The following NEURL1B variants were observed in gnomAD, a reference collection of about 807,000 sequenced individuals.
NEURL1B encodes the protein neuralized E3 ubiquitin protein ligase 1B, also known as E3 ubiquitin-protein ligase NEURL1B.
NEURL1B carries 13 observed loss-of-function variants against 37.4 expected under a neutral mutation model. The ratio of observed to expected loss-of-function variants is 0.35; its 90% CI spans 0.23 to 0.55. NEURL1B has a LOEUF of 0.55. NEURL1B is among the 20% of genes least tolerant of loss of function. The pLI is 0.89. For synonymous variants in NEURL1B, 432 were observed against 426.6 expected, an observed-to-expected ratio of 1.01 and a Z score of -0.16; for missense variants, 790 against 879.2, an observed-to-expected ratio of 0.90 and a Z score of 1.28.
At chr5:172,666,361 C>G (rs1009467395) in intron 1 of NEURL1B, among the ~76,000 whole-genome samples, 9 of 152,220 alleles carry the variant, frequency 5.9e-5, no homozygotes, top group Middle Eastern at 3.2e-3. Flanking sequence ...CCTTACCTCA[C>G]AGAGACACTA....
intron 1 of NEURL1B, among the ~76,000 whole-genome samples, 152 bp from the exon 2 acceptor site, chr5:172,669,633 C>T (rs765085853): frequency 3.9e-5 from 6 of 152,180 alleles, no homozygotes; most frequent in Non-Finnish European, 7.3e-5. Context: ...GGGTCGGTCT[C>T]CCTTTGGTCA....
In NEURL1B at chr5:172,687,018, G is replaced by A; in HGVS notation, c.*93G>A. ...CACATGGCTGCCAGGGAGTCCACGG[G>A]CAGCGGCCATCTCTCCAGTGGTGGG... On this transcript the variant is annotated 3_prime_UTR_variant, in exon 5 of 5. Transcript: ENST00000369800. 2 of 1,405,130 alleles carry A rather than the reference G, an allele frequency of 1.4e-6. No individual in the cohort carries two copies. Among genetic ancestry groups the A allele is most frequent in the Non-Finnish European group, 1.9e-6 (2 of 1,043,818 alleles). 87.0% of individuals were successfully genotyped at this position (1,405,130 alleles called of 1,614,324 possible).
Position 172,675,091 on chromosome 5 carries a change from G to A in NEURL1B, c.577+4761G>A, listed in dbSNP as rs1479401383. Among the ~76,000 whole-genome samples, 3 of 152,232 alleles carry A rather than the reference G, an allele frequency of 2.0e-5. No individual in the cohort carries two copies. The highest frequency in any genetic ancestry group is 4.1e-4 in the South Asian group (2 of 4,822). On this transcript the variant is annotated intron_variant, in intron 2 of 4. Transcript: ENST00000369800. This position sits in a 1 kb window ranked among gnomAD's most constrained non-coding sequence, Gnocchi z 4.7. ...CTACTGGGTACCTGTTGGTCAGGTT[G>A]GTCTCGAACTCCTGACCTCAGGTGA... is the stretch of plus-strand genomic sequence containing the variant.
At chr5:172,653,486 T>G (rs1757706816) in intron 1 of NEURL1B, among the ~76,000 whole-genome samples, 1 of 152,218 alleles carries the variant, frequency 6.6e-6, no homozygotes, top group Non-Finnish European at 1.5e-5. Flanking sequence ...CCTTTTATAA[T>G]TTTTGTTAAA....
In NEURL1B at chr5:172,689,498, T is replaced by G. The variant is rs1486452366; in HGVS notation, c.*2573T>G. ...CCAATCTTAACTAAGATGCTACAAC[T>G]GTACAGTTCCTTCCAATCAGAGATG... On this transcript the variant is annotated 3_prime_UTR_variant, in exon 5 of 5. Transcript: ENST00000369800. 1 of 152,146 alleles carries G rather than the reference T, an allele frequency of 6.6e-6. No individual in the cohort carries two copies. The highest frequency in any genetic ancestry group is 1.5e-5 in the Non-Finnish European group (1 of 68,012). The allele number at this position is 152,146 out of a possible 1,614,324, so 9.4% of individuals were successfully genotyped here. A position where few individuals can be genotyped will look rare whatever the true frequency, so the allele number is the denominator to read the frequency against.
chr5:172,673,795 T>C (rs1273565807), intron 2 of NEURL1B, among the ~76,000 whole-genome samples: 1 of 142,128 alleles, frequency 7.0e-6, no homozygotes, highest in Non-Finnish European at 1.5e-5. Flanking sequence ...TCCCATGCAA[T>C]GTTTGGGACG....
intron 2 of NEURL1B, among the ~76,000 whole-genome samples, chr5:172,678,424 C>T (rs191206895): frequency 4.6e-5 from 7 of 152,332 alleles, no homozygotes; most frequent in Non-Finnish European, 1.0e-4. Flanking sequence ...CCAGCCTCTC[C>T]TCCTACATCT....
At position 172,683,391 on chromosome 5, in the gene NEURL1B, C is replaced by A. The variant is rs928994296; in HGVS notation, c.578-28C>A. 13 of 1,297,772 alleles carry A rather than the reference C, an allele frequency of 1.0e-5. No individual in the cohort carries two copies. The African/African-American group carries it at 1.7e-4, about 17-fold the overall frequency. The allele number at this position is 1,297,772 out of a possible 1,614,324, so 80.4% of individuals were successfully genotyped here. On this transcript the variant is annotated intron_variant, in intron 2 of 4. Transcript: ENST00000369800. This position sits in a 1 kb window ranked among gnomAD's most constrained non-coding sequence, Gnocchi z 5.6. ...CCAGCCTGACGCGCGGCCTCTCCCC[C>A]TCCATGTCCCTCCCTTTGTCCGCAC...
rs1306103547 is a variant in NEURL1B at position 172,641,442 on chromosome 5, G to T, written c.31+5G>T. ...CGGTGCACCGGACCCTGCCAGGTAC[G>T]CCGGGGAGCCCTGCCCGGGAGGCGG... On this transcript the variant is annotated splice_donor_5th_base_variant and intron_variant, in intron 1 of 4. Coordinates refer to ENST00000369800, the MANE Select transcript of NEURL1B (RefSeq NM_001142651.3). The surrounding 1 kb of genome is among the most constrained non-coding windows in gnomAD (Gnocchi z 6.4). 2.6e-5 allele frequency: 35 copies of T among 1,323,258 alleles called. No individual in the cohort carries two copies. The highest frequency in any genetic ancestry group is 3.4e-5 in the Non-Finnish European group (35 of 1,038,864). 82.0% of individuals were successfully genotyped at this position (1,323,258 alleles called of 1,614,324 possible). A position where few individuals can be genotyped will look rare whatever the true frequency, so the allele number is the denominator to read the frequency against.
At chr5:172,642,098 T>A (rs1757473735) in intron 1 of NEURL1B, among the ~76,000 whole-genome samples, 1 of 152,096 alleles carries the variant, frequency 6.6e-6, no homozygotes, top group Admixed American at 6.5e-5. Context: ...GTTAACGGGG[T>A]AGGAGGAGGC....
intron 2 of NEURL1B, among the ~76,000 whole-genome samples, chr5:172,677,023 C>T (rs924036614): frequency 3.3e-5 from 5 of 151,566 alleles, no homozygotes; most frequent in Admixed American, 1.3e-4. Flanking sequence ...GGGACTTGCC[C>T]AAGGTCTCCC....
At chr5:172,677,041 C>T (rs1281102737) in intron 2 of NEURL1B, among the ~76,000 whole-genome samples, 1 of 151,060 alleles carries the variant, frequency 6.6e-6, no homozygotes, top group Non-Finnish European at 1.5e-5. Context: ...CCCAGCTGGT[C>T]AGTGGCCACG....
At chr5:172,672,508 A>T (rs1483053065) in intron 2 of NEURL1B, among the ~76,000 whole-genome samples, 1 of 150,844 alleles carries the variant, frequency 6.6e-6, no homozygotes. Flanking sequence ...TTGATGACTT[A>T]ATGAGATTGC....
intron 1 of NEURL1B, among the ~76,000 whole-genome samples, chr5:172,660,280 T>G (rs1757871082): frequency 6.6e-6 from 1 of 152,216 alleles, no homozygotes; most frequent in African/African-American, 2.4e-5. Flanking sequence ...CAGCCCTGGC[T>G]GAGCATGCTT....
intron 1 of NEURL1B, among the ~76,000 whole-genome samples, chr5:172,650,296 G>A (rs892835484): frequency 6.6e-6 from 1 of 152,178 alleles, no homozygotes; most frequent in East Asian, 1.9e-4. Context: ...GTCCATTCAA[G>A]GGCAGGAGAT....
In NEURL1B at chr5:172,641,795, C is replaced by T. The variant is rs1331189425; in HGVS notation, c.31+358C>T. On this transcript the variant is annotated intron_variant, in intron 1 of 4. Coordinates refer to ENST00000369800, the MANE Select transcript of NEURL1B (RefSeq NM_001142651.3). The surrounding 1 kb of genome is among the most constrained non-coding windows in gnomAD (Gnocchi z 6.4). ...CGACCTGGGTGGGGGTGACTGGAGC[C>T]GGGCTCGCCAGGGCTTCCGACGGTC... Among the ~76,000 whole-genome samples the T allele has an allele frequency of 6.6e-6, 1 of 152,228 alleles. No homozygotes were observed. The highest frequency in any genetic ancestry group is 1.5e-5 in the Non-Finnish European group (1 of 68,022).
Position 172,683,728 on chromosome 5 carries a change from G to C in NEURL1B, c.887G>C (p.Arg296Pro). The C allele has an allele frequency of 7.4e-7, 1 of 1,355,980 alleles. No individual in the cohort carries two copies. The highest frequency in any genetic ancestry group is 1.5e-5 in the South Asian group (1 of 68,236). The allele number at this position is 1,355,980 out of a possible 1,614,324, so 84.0% of individuals were successfully genotyped here. A position where few individuals can be genotyped will look rare whatever the true frequency, so the allele number is the denominator to read the frequency against. Residue 296 changes from arginine (R) to proline (P), a missense_variant, in exon 3 of 5, where the codon CGC (arginine) becomes CCC (proline). Around this residue, in one of 3 missense-constraint regions of NEURL1B, gnomAD observed 460 missense variants for 407.4 expected, o/e 1.13. Coordinates refer to ENST00000369800, the MANE Select transcript of NEURL1B (RefSeq NM_001142651.3). The surrounding 1 kb of genome is among the most constrained non-coding windows in gnomAD (Gnocchi z 5.6). The part of the protein sequence containing the change: ...RGPDVSLSAD[R>P]KVACAPRPDG... ...CCCGACGTGAGCCTGTCGGCCGACC[G>C]CAAAGTGGCCTGCGCACCGCGGCCC...
At chr5:172,677,686 C>T (rs1040677407) in intron 2 of NEURL1B, among the ~76,000 whole-genome samples, 1 of 152,124 alleles carries the variant, frequency 6.6e-6, no homozygotes, top group African/African-American at 2.4e-5. Context: ...CCCCCGTGGC[C>T]GTGGATAAGG....
rs533876360 is a variant in NEURL1B at position 172,656,708 on chromosome 5, G to A, written c.32-13077G>A. ...GCTTCTTCTTGCCACCTTCGCGGCC[G>A]GACATGGCGCCTGCCGCCGCTTCCC... On this transcript the variant is annotated intron_variant, in intron 1 of 4. Transcript: ENST00000369800. 81 of 1,292,668 alleles carry A rather than the reference G, an allele frequency of 6.3e-5. 1 individual carries two copies. In the East Asian group the frequency reaches 1.3e-3, roughly 21 times the overall value. The allele number at this position is 1,292,668 out of a possible 1,614,324, so 80.1% of individuals were successfully genotyped here.
Sources: allele counts gnomAD v4.1 joint callset (sites outside exome capture counted in the v4.1 genomes callset), GRCh38; gene constraint gnomAD v4.1.1; regional missense constraint gnomAD v4.1.1; non-coding constraint Gnocchi (gnomAD v3.1); transcripts MANE v1.5; gene names NCBI Gene and HGNC (gene_info 2026-07-23, HGNC 2026-07-21).